ATAD2: variants seen among roughly 807,000 people sequenced by gnomAD.
The protein encoded by ATAD2 is ATPase family AAA domain containing 2.
ATAD2 carries 62 observed loss-of-function variants against 168.9 expected under a neutral mutation model. That is an observed-to-expected ratio of 0.37 (90% CI 0.30 to 0.45). The LOEUF is 0.45. Among genes scored for constraint, ATAD2 ranks in the 20% least tolerant of loss-of-function variants. The pLI, the probability that ATAD2 is intolerant of heterozygous loss-of-function variation, is 1.00. For missense variants in ATAD2, 1,419 were observed against 1,667.8 expected (o/e 0.85, Z 2.60); for synonymous variants, 613 against 571.6 (o/e 1.07, Z -1.03).
Position 123,333,927 on chromosome 8 carries a change from C to T in ATAD2, c.3429G>A (p.Gln1143=), listed in dbSNP as rs367719982. 158 of 1,613,984 alleles carry T rather than the reference C, an allele frequency of 9.8e-5. No individual in the cohort carries two copies. The highest frequency in any genetic ancestry group is 1.6e-4 in the Middle Eastern group (1 of 6,084). ...LVGDKRSDPE[Q]NEKLKTPSTP... ...TACTCGGTGTCTTTAGCTTTTCATT[C>T]TGCTCTGGGTCTGATCTTTTATCAC... The change falls in exon 24 of 28, where the codon CAG becomes CAA. Residue 1143 remains glutamine (Q), a synonymous_variant. Transcript: ENST00000287394.
chr8:123,407,970 T>C (rs924122177), intron 1 of ATAD2, among the ~76,000 whole-genome samples: 1 of 152,232 alleles, frequency 6.6e-6, no homozygotes, highest in African/African-American at 2.4e-5. Context: ...CTAATCATGA[T>C]TCCACTACCT....
At chr8:123,378,780 G>A (rs1829403075) in intron 2 of ATAD2, among the ~76,000 whole-genome samples, 1 of 144,372 alleles carries the variant, frequency 6.9e-6, no homozygotes, top group Admixed American at 7.0e-5. Context: ...ATTACAAATT[G>A]TTTATTTATG....
chr8:123,394,490 G>C (rs527807118), intron 1 of ATAD2, among the ~76,000 whole-genome samples: 4 of 151,988 alleles, frequency 2.6e-5, no homozygotes, highest in African/African-American at 9.7e-5. Flanking sequence ...TTAGCCCAGC[G>C]TGGTGGTGTA....
Position 123,369,049 on chromosome 8 carries a change from G to A in ATAD2, c.1049+9C>T. The A allele has an allele frequency of 6.6e-7, 1 of 1,508,584 alleles. No homozygotes were observed. The highest frequency in any genetic ancestry group is 9.1e-7 in the Non-Finnish European group (1 of 1,097,946). The allele number at this position is 1,508,584 out of a possible 1,614,324, so 93.4% of individuals were successfully genotyped here. ...TTGTCATAAATCAATCACTATATCAGAACCAAACCTGTTCATTCGTTTACA... is the reference window on the plus strand; with the variant it reads ...TTGTCATAAATCAATCACTATATCAAAACCAAACCTGTTCATTCGTTTACA... On this transcript the variant is annotated intron_variant, in intron 8 of 27. Coordinates refer to ENST00000287394, the MANE Select transcript of ATAD2 (RefSeq NM_014109.4).
At position 123,401,611 on chromosome 8, in the gene ATAD2, G is replaced by A. The variant is rs542384475; in HGVS notation, c.-2281-436C>T. ...TGTGGTTGCCCCCAGGGCACTGTGTGTACAAGGTGGCTGAGTATGCCCGGC... is the reference window on the plus strand; with the variant it reads ...TGTGGTTGCCCCCAGGGCACTGTGTATACAAGGTGGCTGAGTATGCCCGGC... On this transcript the variant is annotated intron_variant, in intron 1 of 28. Coordinates refer to the ATAD2 transcript ENST00000521903. The A allele has an allele frequency of 5.4e-4, 605 of 1,118,430 alleles. 2 individuals carry two copies. The highest frequency in any genetic ancestry group is 2.0e-3 in the Middle Eastern group (7 of 3,558). The allele number at this position is 1,118,430 out of a possible 1,614,324, so 69.3% of individuals were successfully genotyped here.
chr8:123,388,370 T>C (rs542861016), intron 1 of ATAD2, among the ~76,000 whole-genome samples: 90 of 152,178 alleles, frequency 5.9e-4, no homozygotes, highest in African/African-American at 2.1e-3. Context: ...GGCTACTGAT[T>C]ATGTATTTTA....
chr8:123,403,184 G>C (rs1813029252), intron 1 of ATAD2, among the ~76,000 whole-genome samples: 1 of 152,088 alleles, frequency 6.6e-6, no homozygotes, highest in South Asian at 2.1e-4. Context: ...CCACCTCCCA[G>C]GCTCAAGAGA....
intron 2 of ATAD2, among the ~76,000 whole-genome samples, chr8:123,374,729 T>C (rs1430682237): frequency 2.0e-5 from 3 of 152,188 alleles, no homozygotes; most frequent in Non-Finnish European, 2.9e-5. Context: ...ATGGCAGTGT[T>C]CCAAGGAAAC....
In ATAD2 at chr8:123,347,546, A is replaced by C; in HGVS notation, c.1898-140T>G. ...TTAGCAAATATTTAAGAGTAATAAGACCAAAATCTCTTTTACCCAGTAAAC... is the reference window on the plus strand; with the variant it reads ...TTAGCAAATATTTAAGAGTAATAAGCCCAAAATCTCTTTTACCCAGTAAAC... On this transcript the variant is annotated intron_variant, in intron 15 of 27. Transcript: ENST00000287394. The C allele has an allele frequency of 5.9e-6, 5 of 842,460 alleles. No individual in the cohort carries two copies. The South Asian group carries it at 7.7e-5, about 13-fold the overall frequency. 52.2% of individuals were successfully genotyped at this position (842,460 alleles called of 1,614,324 possible).
chr8:123,392,627 A>G (rs1812633041), intron 1 of ATAD2, among the ~76,000 whole-genome samples: 1 of 152,124 alleles, frequency 6.6e-6, no homozygotes, highest in Admixed American at 6.6e-5. Flanking sequence ...TGTAAAAAAA[A>G]AAAAAAGTTA....
At chr8:123,340,388 C>T (rs112507961) in intron 19 of ATAD2, among the ~76,000 whole-genome samples, 2,747 of 152,118 alleles carry the variant, frequency 0.018, 35 homozygotes, top group Non-Finnish European at 0.029. Context: ...AGTGTAGCTG[C>T]GGTGGAAAAC....
chr8:123,365,906 C>CA (rs747973404), intron 8 of ATAD2, among the ~76,000 whole-genome samples: 226 of 152,142 alleles, frequency 1.5e-3, no homozygotes, highest in Non-Finnish European at 2.8e-3. Flanking sequence ...ACAATAAAAG[C>CA]AAAGATAAAC....
At chr8:123,324,907 T>C (rs982662710) in intron 26 of ATAD2, among the ~76,000 whole-genome samples, 6 of 151,994 alleles carry the variant, frequency 3.9e-5, no homozygotes, top group African/African-American at 7.3e-5. Context: ...CACAGATCCT[T>C]GGATATAATT....
Position 123,330,259 on chromosome 8 carries a change from G to C in ATAD2, c.3479-1680C>G, listed in dbSNP as rs796441763. Among the ~76,000 whole-genome samples, 20 of 152,170 alleles carry C rather than the reference G, an allele frequency of 1.3e-4. 1 individual carries two copies. Among genetic ancestry groups the C allele is most frequent in the African/African-American group, 4.3e-4 (18 of 41,500 alleles). On this transcript the variant is annotated intron_variant, in intron 24 of 27. Transcript: ENST00000287394. ...ACCACCTTAGCCTCCCAAAGTGCTG[G>C]GATTACAGACATGAGCCATAGTGCC...
intron 22 of ATAD2, 83 bp from the exon 23 acceptor site, chr8:123,334,405 A>G: frequency 8.1e-7 from 1 of 1,242,130 alleles, no homozygotes; most frequent in Non-Finnish European, 1.1e-6. Flanking sequence ...TTAGGCTAAG[A>G]TAGTAGCTCT....
intron 8 of ATAD2, among the ~76,000 whole-genome samples, chr8:123,364,029 C>CAA (rs370682735): frequency 1.2e-4 from 19 of 152,150 alleles, no homozygotes; most frequent in African/African-American, 4.3e-4. Context: ...ACCTGTGGAC[C>CAA]AACATGAAAT....
At chr8:123,385,533 TGA>T (rs1398699993) in intron 1 of ATAD2, among the ~76,000 whole-genome samples, 1 of 152,062 alleles carries the variant, frequency 6.6e-6, no homozygotes, top group Non-Finnish European at 1.5e-5. Context: ...TAAAACTGTA[TGA>T]GAGAATAAAG....
chr8:123,346,157 T>A lies in ATAD2; in HGVS notation c.2461A>T (p.Thr821Ser). 1 of 1,613,252 alleles carries A rather than the reference T, an allele frequency of 6.2e-7. No individual in the cohort carries two copies. The highest frequency in any genetic ancestry group is 1.1e-5 in the South Asian group (1 of 90,940). The change falls in exon 18 of 28, where the codon ACT (threonine) becomes TCT (serine). Residue 821 changes from threonine (T) to serine (S), a missense_variant. Transcript: ENST00000287394. ...PAVIHALEKF[T>S]VYTLDIPVLF... is the part of the protein sequence containing the mutation. ...ACAGGAATGTCTAATGTATATACAG[T>A]AAACTTTTCCAAAGCATGAATGACA...
intron 1 of ATAD2, among the ~76,000 whole-genome samples, chr8:123,394,234 A>G (rs1812724073): frequency 6.6e-6 from 1 of 152,146 alleles, no homozygotes; most frequent in African/African-American, 2.4e-5. Context: ...CTCACTACCA[A>G]TGTGGTGGGT....
Sources: allele counts gnomAD v4.1 joint callset (sites outside exome capture counted in the v4.1 genomes callset), GRCh38; gene constraint gnomAD v4.1.1; transcripts MANE v1.5; gene names NCBI Gene and HGNC (gene_info 2026-07-23, HGNC 2026-07-21).